MNAT1: variants seen among roughly 807,000 people sequenced by gnomAD.
MNAT1 encodes MNAT1 component of CDK activating kinase, also known as CDK-activating kinase assembly factor MAT1.
MNAT1 carries 43 observed loss-of-function variants against 42.0 expected under a neutral mutation model. The ratio of observed to expected loss-of-function variants is 1.02; its 90% CI spans 0.80 to 1.32. The LOEUF is 1.32. MNAT1 is among the 40% of genes most tolerant of loss of function. The pLI, the probability that MNAT1 is intolerant of heterozygous loss-of-function variation, is 0.00. For missense variants in MNAT1, 306 were observed against 350.4 expected, an observed-to-expected ratio of 0.87 and a Z score of 1.01; for synonymous variants, 118 against 120.0, an observed-to-expected ratio of 0.98 and a Z score of 0.11.
At chr14:60,793,987 T>A (rs1483397986) in intron 1 of MNAT1, among the ~76,000 whole-genome samples, 1 of 152,176 alleles carries the variant, frequency 6.6e-6, no homozygotes, top group Non-Finnish European at 1.5e-5. Flanking sequence ...GATGTACAAC[T>A]GATTTTGGAA....
At chr14:60,865,215 C>T (rs2034178419) in intron 6 of MNAT1, among the ~76,000 whole-genome samples, 1 of 151,956 alleles carries the variant, frequency 6.6e-6, no homozygotes. Flanking sequence ...TAGAAGACTA[C>T]TAATCTTACA....
intron 6 of MNAT1, among the ~76,000 whole-genome samples, chr14:60,868,753 A>G (rs1437671341): frequency 6.6e-6 from 1 of 152,106 alleles, no homozygotes; most frequent in Non-Finnish European, 1.5e-5. Flanking sequence ...AACTACTAAG[A>G]TGTCTGGAAA....
intron 6 of MNAT1, among the ~76,000 whole-genome samples, chr14:60,869,376 A>G (rs1420190271): frequency 6.6e-6 from 1 of 151,946 alleles, no homozygotes; most frequent in Non-Finnish European, 1.5e-5. Context: ...CGTTAATTCA[A>G]CAAAATATTG....
At chr14:60,754,148 C>T (rs192426707) in intron 1 of MNAT1, among the ~76,000 whole-genome samples, 1 of 152,270 alleles carries the variant, frequency 6.6e-6, no homozygotes, top group African/African-American at 2.4e-5. Context: ...TCCTGGATTC[C>T]TGACACTGAG....
chr14:60,966,122 C>T (rs1594918327), intron 7 of MNAT1, among the ~76,000 whole-genome samples: 1 of 151,880 alleles, frequency 6.6e-6, no homozygotes, highest in Non-Finnish European at 1.5e-5. Flanking sequence ...AGTTTAACAA[C>T]GACTATTTTT....
chr14:60,878,208 A>T (rs2034473996), intron 6 of MNAT1, among the ~76,000 whole-genome samples: 1 of 152,154 alleles, frequency 6.6e-6, no homozygotes. Context: ...TATAAAAAAT[A>T]TAAACTTTAG....
At chr14:60,937,587 A>G (rs1286638084) in intron 7 of MNAT1, among the ~76,000 whole-genome samples, 3 of 152,108 alleles carry the variant, frequency 2.0e-5, no homozygotes, top group Non-Finnish European at 4.4e-5. Flanking sequence ...CCATTGGTCT[A>G]TATGTCTGTT....
intron 7 of MNAT1, among the ~76,000 whole-genome samples, chr14:60,886,293 A>G (rs1402483567): frequency 6.6e-6 from 1 of 151,900 alleles, no homozygotes; most frequent in African/African-American, 2.4e-5. Context: ...ATGCCATGAG[A>G]ATGTTGATAG....
intron 7 of MNAT1, among the ~76,000 whole-genome samples, chr14:60,908,502 G>A (rs1472990357): frequency 6.6e-6 from 1 of 150,922 alleles, no homozygotes; most frequent in East Asian, 2.0e-4. Context: ...GCCCCGGTGT[G>A]TGATGTTCCC....
intron 6 of MNAT1, among the ~76,000 whole-genome samples, chr14:60,852,889 T>C (rs1244262033): frequency 6.6e-6 from 1 of 152,216 alleles, no homozygotes; most frequent in Admixed American, 6.5e-5. Flanking sequence ...GTCTCTGTTG[T>C]GTTCCATTGG....
chr14:60,894,470 A>AT (rs2034910605), intron 7 of MNAT1, among the ~76,000 whole-genome samples: 2 of 151,546 alleles, frequency 1.3e-5, no homozygotes, highest in Non-Finnish European at 2.9e-5. Context: ...CTGATTGTCT[A>AT]TTTTTTCCCA....
chr14:60,797,742 A>G (rs2032064018), intron 2 of MNAT1, among the ~76,000 whole-genome samples: 1 of 152,086 alleles, frequency 6.6e-6, no homozygotes, highest in Non-Finnish European at 1.5e-5. Flanking sequence ...CCTGGCCAAC[A>G]TGGTGAAGTC....
intron 7 of MNAT1, among the ~76,000 whole-genome samples, chr14:60,911,549 A>T (rs998310204): frequency 2.3e-4 from 35 of 152,238 alleles, no homozygotes; most frequent in Admixed American, 7.2e-4. Flanking sequence ...GTTTCAAAGA[A>T]CATCTTTATT....
At position 60,740,624 on chromosome 14, in the gene MNAT1, G is replaced by A. The variant is rs1373543623; in HGVS notation, c.89+5673G>A. On this transcript the variant is annotated intron_variant, in intron 1 of 7. Coordinates refer to ENST00000261245, the MANE Select transcript of MNAT1 (RefSeq NM_002431.4). This position sits in a 1 kb window ranked among gnomAD's most constrained non-coding sequence, Gnocchi z 4.1. The stretch of plus-strand genomic sequence containing the variant: ...AATTGGGAAACAGAGCCCCCTCTGG[G>A]TAGAAAATTAGGAAAAGGCACTTAT... 6.6e-6 allele frequency among the ~76,000 whole-genome samples: 1 copy of A among 152,080 alleles called. No homozygotes were observed. Among genetic ancestry groups the A allele is most frequent in the Non-Finnish European group, 1.5e-5 (1 of 68,006 alleles).
chr14:60,936,143 C>T (rs2035990011), intron 7 of MNAT1, among the ~76,000 whole-genome samples: 1 of 152,146 alleles, frequency 6.6e-6, no homozygotes, highest in Non-Finnish European at 1.5e-5. Context: ...AGGTCATGGG[C>T]AGGTTCCCTC....
chr14:60,779,865 G>A, intron 1 of MNAT1: 1 of 653,688 alleles, frequency 1.5e-6, no homozygotes, highest in Non-Finnish European at 2.7e-6. Context: ...CAAGTGGATG[G>A]TCTTTACTTT....
At chr14:60,801,873 T>G (rs1769566842) in intron 3 of MNAT1, among the ~76,000 whole-genome samples, 1 of 152,152 alleles carries the variant, frequency 6.6e-6, no homozygotes, top group South Asian at 2.1e-4. Flanking sequence ...GGAATCAACC[T>G]AAGTGTCCAT....
intron 7 of MNAT1, among the ~76,000 whole-genome samples, chr14:60,944,679 A>G (rs1408286185): frequency 6.6e-6 from 1 of 152,214 alleles, no homozygotes; most frequent in Non-Finnish European, 1.5e-5. Context: ...GTTATAAATT[A>G]TCAGGAACAA....
chr14:60,926,261 A>C lies in MNAT1; in HGVS notation c.810-41968A>C, dbSNP rs563348930. Among the ~76,000 whole-genome samples the C allele has an allele frequency of 1.5e-3, 223 of 152,312 alleles. 1 individual carries two copies. The highest frequency in any genetic ancestry group is 6.8e-3 in the Middle Eastern group (2 of 294). On this transcript the variant is annotated intron_variant, in intron 7 of 7. Coordinates refer to ENST00000261245, the MANE Select transcript of MNAT1 (RefSeq NM_002431.4). ...ACAGGTGTTGTGGGGTTTTCCCCCC[A>C]CACACCAACCAAAGCAGTTCTCCAG...
Sources: allele counts gnomAD v4.1 joint callset (sites outside exome capture counted in the v4.1 genomes callset), GRCh38; gene constraint gnomAD v4.1.1; non-coding constraint Gnocchi (gnomAD v3.1); transcripts MANE v1.5; gene names NCBI Gene and HGNC (gene_info 2026-07-23, HGNC 2026-07-21).